CNTLN: variants seen among roughly 807,000 people sequenced by gnomAD.
CNTLN encodes the protein centlein.
CNTLN carries 212 observed loss-of-function variants against 180.0 expected under a neutral mutation model. The observed-to-expected ratio is 1.18, with a 90% CI of 1.05 to 1.32. CNTLN has a LOEUF of 1.32. CNTLN is among the 40% of genes most tolerant of loss of function. The probability of loss-of-function intolerance (pLI) is 0.00; values close to 1 mark genes in which losing one functional copy is unlikely to be tolerated. For synonymous variants in CNTLN, 722 were observed against 563.1 expected (o/e 1.28, Z -3.99); for missense variants, 2,095 against 1,610.9 (o/e 1.30, Z -5.14).
At chr9:17,201,476 T>G (rs371378108) in intron 2 of CNTLN, among the ~76,000 whole-genome samples, 233 of 152,274 alleles carry the variant, frequency 1.5e-3, no homozygotes, top group African/African-American at 5.2e-3. Flanking sequence ...GGCTTTTTTT[T>G]GGTTGGTAGG....
At chr9:17,197,353 A>AT (rs1426301839) in intron 2 of CNTLN, among the ~76,000 whole-genome samples, 1 of 152,100 alleles carries the variant, frequency 6.6e-6, no homozygotes, top group Non-Finnish European at 1.5e-5. Context: ...ATGATATCTC[A>AT]TTGTCATTTT....
intron 12 of CNTLN, among the ~76,000 whole-genome samples, chr9:17,344,515 G>A (rs1821725261): frequency 6.6e-6 from 1 of 152,132 alleles, no homozygotes; most frequent in Non-Finnish European, 1.5e-5. Context: ...TTTGAGCGCT[G>A]TGTGATAGTC....
chr9:17,463,617 T>C (rs10756881), intron 20 of CNTLN, among the ~76,000 whole-genome samples: 116,990 of 151,512 alleles, frequency 0.77, 47,651 homozygotes, highest in Non-Finnish European at 0.89. Context: ...GTAGACCTCA[T>C]TATAAGTGAA....
chr9:17,390,212 T>C (rs1825994475), intron 14 of CNTLN, among the ~76,000 whole-genome samples: 1 of 151,550 alleles, frequency 6.6e-6, no homozygotes, highest in Non-Finnish European at 1.5e-5. Flanking sequence ...TCAGGCATTG[T>C]ATTTCAGTTT....
intron 1 of CNTLN, among the ~76,000 whole-genome samples, chr9:17,142,083 G>GAAA (rs1180057903): frequency 4.8e-4 from 27 of 56,210 alleles, no homozygotes; most frequent in South Asian, 5.3e-4. Context: ...CTCTGTCTCA[G>GAAA]AAAAAAAAAA....
chr9:17,478,241 TA>T (rs1181184707), intron 23 of CNTLN, among the ~76,000 whole-genome samples: 2 of 152,226 alleles, frequency 1.3e-5, no homozygotes, highest in African/African-American at 4.8e-5. Context: ...TTTATTGTGA[TA>T]TTTGCTTTAT....
In CNTLN at chr9:17,397,580, C is replaced by T. The variant is rs182304220; in HGVS notation, c.2615+2511C>T. Among the ~76,000 whole-genome samples, 1,288 of 152,282 alleles carry T rather than the reference C, an allele frequency of 8.5e-3. 19 individuals carry two copies. The highest frequency in any genetic ancestry group is 0.03 in the African/African-American group (1,226 of 41,558). ...GCTTCTTTACTGCAGGCTGTTTCATCAGCAAGGTCTTTATGACCTGTATCT... is the reference window on the plus strand; with the variant it reads ...GCTTCTTTACTGCAGGCTGTTTCATTAGCAAGGTCTTTATGACCTGTATCT... On this transcript the variant is annotated intron_variant, in intron 15 of 25. Transcript: ENST00000380647.
rs558790241 is a variant in CNTLN, at chr9:17,480,756, G to T, written c.3856-3539G>T. On this transcript the variant is annotated intron_variant, in intron 23 of 25. Transcript: ENST00000380647. ...TTAAAAATTGTAAACCCTTCTATCT[G>T]ATTTAGGGTTAAGGAAGAAATAAAA... 4.0e-4 allele frequency among the ~76,000 whole-genome samples: 61 copies of T among 152,272 alleles called. 1 individual carries two copies. Among genetic ancestry groups the T allele is most frequent in the African/African-American group, 1.4e-3 (57 of 41,548 alleles).
intron 7 of CNTLN, chr9:17,302,091 C>T (rs1818401733): frequency 9.6e-6 from 2 of 207,898 alleles, no homozygotes; most frequent in Non-Finnish European, 1.3e-5. Flanking sequence ...CATATGTGTA[C>T]ACACACACAC....
intron 1 of CNTLN, among the ~76,000 whole-genome samples, chr9:17,141,291 A>C (rs1385431269): frequency 6.6e-6 from 1 of 152,208 alleles, no homozygotes; most frequent in Non-Finnish European, 1.5e-5. Context: ...TGCTGTGAAA[A>C]AAAATTGTAA....
chr9:17,382,262 T>C (rs776734036), intron 13 of CNTLN, among the ~76,000 whole-genome samples: 3 of 152,204 alleles, frequency 2.0e-5, no homozygotes, highest in Non-Finnish European at 2.9e-5. Flanking sequence ...ACTTTCATAA[T>C]AGCTGGGCAG....
chr9:17,302,089 TACAC>T (rs35043839), intron 7 of CNTLN: 24,563 of 903,152 alleles, frequency 0.027, 65 homozygotes, highest in African/African-American at 0.062. Flanking sequence ...CACATATGTG[TACAC>T]ACACACACAC....
intron 7 of CNTLN, chr9:17,299,751 T>C (rs1818216706): frequency 1.0e-6 from 1 of 978,592 alleles, no homozygotes; most frequent in Admixed American, 6.1e-5. Flanking sequence ...TTATTAATAC[T>C]TGTTAATTGT....
chr9:17,150,423 C>T (rs1299696331), intron 2 of CNTLN, among the ~76,000 whole-genome samples: 7 of 152,152 alleles, frequency 4.6e-5, no homozygotes, highest in African/African-American at 1.7e-4. Context: ...TTCCCCATTG[C>T]TTGTGTGTGT....
chr9:17,295,121 C>A (rs946318594), intron 6 of CNTLN, among the ~76,000 whole-genome samples: 1 of 151,174 alleles, frequency 6.6e-6, no homozygotes, highest in African/African-American at 2.4e-5. Context: ...GCTGGCCGCT[C>A]TGAGTGCGGG....
intron 6 of CNTLN, among the ~76,000 whole-genome samples, chr9:17,294,115 G>A (rs1173600018): frequency 6.6e-6 from 1 of 152,154 alleles, no homozygotes; most frequent in African/African-American, 2.4e-5. Flanking sequence ...GCTGGCTTCA[G>A]GAGTGAAGCT....
At chr9:17,364,697 C>T (rs537414577) in intron 12 of CNTLN, among the ~76,000 whole-genome samples, 8 of 152,228 alleles carry the variant, frequency 5.3e-5, no homozygotes, top group Admixed American at 2.0e-4. Context: ...ATGCTTGACT[C>T]GAGAATTATT....
chr9:17,459,651 C>T (rs941081397), intron 19 of CNTLN, among the ~76,000 whole-genome samples: 2 of 151,694 alleles, frequency 1.3e-5, no homozygotes, highest in African/African-American at 4.8e-5. Flanking sequence ...GTTCTGAAGG[C>T]TGGAAGTCTA....
At chr9:17,524,177 A>G in the CNTLN span, among the ~76,000 whole-genome samples, 3 of 152,196 alleles carry the variant, frequency 2.0e-5, no homozygotes, top group African/African-American at 4.8e-5. Context: ...ATGTATGTGC[A>G]TACATATGTA....
Sources: gnomAD v4.1 joint callset for allele counts (sites outside exome capture counted in the v4.1 genomes callset) on GRCh38, gnomAD v4.1.1 for gene constraint, MANE v1.5 for transcripts, NCBI Gene and HGNC (gene_info 2026-07-23, HGNC 2026-07-21) for gene names.